The following SF3A1 variants were observed in gnomAD, a reference collection of about 807,000 sequenced individuals.
SF3A1 encodes the protein splicing factor 3a subunit 1, also known as SAP 114.
In SF3A1, 13 loss-of-function variants were observed where a neutral mutation model predicts 89.9. The observed-to-expected ratio is 0.14, with a 90% confidence interval of 0.09 to 0.23. The LOEUF is 0.23. Ranked by LOEUF, SF3A1 falls within the 10% of genes least tolerant of loss-of-function variation. The pLI, the probability that SF3A1 is intolerant of heterozygous loss-of-function variation, is 1.00. For synonymous variants in SF3A1, 405 were observed against 374.4 expected (o/e 1.08, Z -0.94); for missense variants, 604 against 1,022.1 (o/e 0.59, Z 5.58).
At chr22:30,344,496 TCA>T (rs954256872) in intron 4 of SF3A1, among the ~76,000 whole-genome samples, 1 of 152,208 alleles carries the variant, frequency 6.6e-6, no homozygotes, top group Non-Finnish European at 1.5e-5. Flanking sequence ...GTACGTGACT[TCA>T]CCTTTCTGAG....
chr22:30,340,651 G>GAC (rs770898641), intron 8 of SF3A1, 44 bp downstream of exon 8: 18 of 1,237,246 alleles, frequency 1.5e-5, no homozygotes, highest in Middle Eastern at 1.9e-4. Flanking sequence ...GGGCACACAG[G>GAC]ACTTCCTGGG....
rs777352250 is a variant in SF3A1 at position 30,345,059 on chromosome 22, G to A, written c.525C>T (p.Ala175=). The A allele has an allele frequency of 1.9e-6, 3 of 1,614,202 alleles. No individual in the cohort carries two copies. Among genetic ancestry groups the A allele is most frequent in the South Asian group, 2.2e-5 (2 of 91,086 alleles). ...DVVKLTAQFV[A]RNGRQFLTQL... ...GGGTCAGAAACTGGCGCCCATTCCT[G>A]GCCACAAACTGAGCCGTCAGCTTCA... The change falls in exon 4 of 16, where the codon GCC becomes GCT. Residue 175 remains alanine, a synonymous_variant. Transcript: ENST00000215793.
Position 30,333,849 on chromosome 22 carries a change from G to A in SF3A1, c.*745C>T, listed in dbSNP as rs1215701313. The A allele has an allele frequency of 6.6e-6, 1 of 152,160 alleles. No homozygotes were observed. The highest frequency in any genetic ancestry group is 1.9e-4 in the East Asian group (1 of 5,202). 9.4% of individuals were successfully genotyped at this position (152,160 alleles called of 1,614,324 possible). A position where few individuals can be genotyped will look rare whatever the true frequency, so the allele number is the denominator to read the frequency against. On this transcript the variant is annotated 3_prime_UTR_variant, in exon 16 of 16. Transcript: ENST00000215793. Reference sequence around the variant, plus strand: ...TGAGGCACCTGCCCAGGACCACAGAGCCAATCAATCAGGTGATGAGTGATT... The same window carrying A: ...TGAGGCACCTGCCCAGGACCACAGAACCAATCAATCAGGTGATGAGTGATT...
In SF3A1 at chr22:30,338,780, C is replaced by G. The variant is rs1931158412; in HGVS notation, c.1743+9G>C. 1 of 1,613,770 alleles carries G rather than the reference C, an allele frequency of 6.2e-7. No individual in the cohort carries two copies. Among genetic ancestry groups the G allele is most frequent in the Admixed American group, 1.7e-5 (1 of 60,012 alleles). On this transcript the variant is annotated intron_variant, in intron 11 of 15. Transcript: ENST00000215793. ...AAAAAAGTCAGTTCCAGGGTAGATG[C>G]TGGCTTACTGTGGGTGGTCGGGGCA...
At chr22:30,348,913 G>T (rs1931501101) in intron 2 of SF3A1, among the ~76,000 whole-genome samples, 1 of 152,160 alleles carries the variant, frequency 6.6e-6, no homozygotes, top group Non-Finnish European at 1.5e-5. Flanking sequence ...ATAAAACAAT[G>T]AGAAGGCTTG....
chr22:30,345,097 C>T lies in SF3A1; in HGVS notation c.487G>A (p.Asp163Asn). 1 of 1,614,180 alleles carries T rather than the reference C, an allele frequency of 6.2e-7. No individual in the cohort carries two copies. The highest frequency in any genetic ancestry group is 8.5e-7 in the Non-Finnish European group (1 of 1,180,042). ...IADPPSISAF[D>N]LDVVKLTAQF... Reference sequence around the variant, plus strand: ...GCCGTCAGCTTCACCACATCCAAGTCGAAGGCTGAGATAGAGGGAGGATCA... The same window carrying T: ...GCCGTCAGCTTCACCACATCCAAGTTGAAGGCTGAGATAGAGGGAGGATCA... The change falls in exon 4 of 16, where the codon GAC becomes AAC. Residue 163 changes from aspartate (D) to asparagine (N), a missense_variant. Transcript: ENST00000215793.
chr22:30,350,508 C>T (rs189841890), intron 2 of SF3A1, among the ~76,000 whole-genome samples: 2 of 151,974 alleles, frequency 1.3e-5, no homozygotes, highest in African/African-American at 2.4e-5. Context: ...GAAACCTCCT[C>T]CTCTAAGGAA....
chr22:30,337,154 G>A lies in SF3A1; in HGVS notation c.1978C>T (p.Pro660Ser). The change falls in exon 13 of 16, where the codon CCT (proline) becomes TCT (serine). Residue 660 changes from proline (P) to serine (S), a missense_variant. Around this residue, in one of 9 missense-constraint regions of SF3A1, gnomAD observed 45 missense variants for 41.1 expected, o/e 1.09. Transcript: ENST00000215793. ...GGCATTGGGGCTGGAGCTGGGACAG[G>A]TGCCACAGGTGGAGCAGGCACAAAG... ...TAFVPAPPVA[P>S]VPAPAPMPPV... 6.2e-7 allele frequency: 1 copy of A among 1,613,028 alleles called. No individual in the cohort carries two copies. Among genetic ancestry groups the A allele is most frequent in the Non-Finnish European group, 8.5e-7 (1 of 1,179,460 alleles).
At chr22:30,352,538 C>T (rs1931634324) in intron 2 of SF3A1, 1 of 164,112 alleles carries the variant, frequency 6.1e-6, no homozygotes, top group Admixed American at 6.0e-5. Flanking sequence ...CTCACAACAA[C>T]TCTGAGATGG....
intron 2 of SF3A1, among the ~76,000 whole-genome samples, chr22:30,348,244 T>C (rs1237940457): frequency 6.6e-6 from 1 of 152,218 alleles, no homozygotes. Context: ...GGCGAGAACC[T>C]TGTACTTAGA....
chr22:30,335,713 T>C lies in SF3A1; in HGVS notation c.2147A>G (p.Asp716Gly), dbSNP rs779108648. Residue 716 changes from aspartate to glycine, a missense_variant, in exon 14 of 16, where the codon GAT becomes GGT. Asp to Gly is a moderately conservative substitution (Grantham distance 94, BLOSUM62 -1). Transcript: ENST00000215793. ...CCCATTCAGTTTCCATTCCGTCTTA[T>C]CCTGCATGTTGGGCACCTGGACTTT... ...SIKVQVPNMQDKTEWKLNGQV... is the reference protein window; with the variant it reads ...SIKVQVPNMQGKTEWKLNGQV... The C allele has an allele frequency of 1.2e-6, 2 of 1,614,192 alleles. No individual in the cohort carries two copies. The highest frequency in any genetic ancestry group is 1.7e-6 in the Non-Finnish European group (2 of 1,180,040).
rs139280975 is a variant in SF3A1 at position 30,352,938 on chromosome 22, G to A, written c.185+13C>T. On this transcript the variant is annotated intron_variant, in intron 2 of 15. Coordinates refer to ENST00000215793, the MANE Select transcript of SF3A1 (RefSeq NM_005877.6). The stretch of plus-strand genomic sequence containing the variant: ...TGAAACCCACCTCTGACCCACCCAA[G>A]TAGCTCTGTTACCTGGCCACAAAGC... 1.2e-6 allele frequency: 2 copies of A among 1,613,884 alleles called. No homozygotes were observed. Among genetic ancestry groups the A allele is most frequent in the East Asian group, 2.2e-5 (1 of 44,876 alleles).
intron 1 of SF3A1, among the ~76,000 whole-genome samples, chr22:30,354,713 C>A (rs1036864722): frequency 1.3e-5 from 2 of 152,168 alleles, no homozygotes; most frequent in Non-Finnish European, 2.9e-5. Context: ...GTCACCCATG[C>A]CAGAAAGTTG....
chr22:30,342,907 G>A (rs765649817), intron 4 of SF3A1, 28 bp from the exon 5 acceptor site: 4 of 1,453,358 alleles, frequency 2.8e-6, no homozygotes, highest in South Asian at 1.1e-5. Context: ...TAAAGCAACT[G>A]TCAGTGCTTT....
In SF3A1 at chr22:30,346,325, T is replaced by G; in HGVS notation, c.380A>C (p.Gln127Pro). Residue 127 changes from glutamine to proline, a missense_variant, in exon 3 of 16, where the codon CAG becomes CCG. By Grantham distance (76) the Gln-to-Pro change is moderately conservative. Coordinates refer to ENST00000215793, the MANE Select transcript of SF3A1 (RefSeq NM_005877.6). The part of the protein sequence containing the change: ...MQQQQQTTQQ[Q>P]LPQKVQAQVI... ...TGGGCTCCAAACCTTCTGGGGCAGC[T>G]GCTGCTGGGTGGTCTGCTGCTGCTG... 1 of 1,612,062 alleles carries G rather than the reference T, an allele frequency of 6.2e-7. No individual in the cohort carries two copies. Among genetic ancestry groups the G allele is most frequent in the Non-Finnish European group, 8.5e-7 (1 of 1,178,190 alleles).
In SF3A1 at chr22:30,342,788, A is replaced by T; in HGVS notation, c.726+17T>A. ...CAACCACCAGTAACTGGTTGCAAGA[A>T]ATGCTATTCAGTTTACCTGATCCAA... On this transcript the variant is annotated intron_variant, in intron 5 of 15. Coordinates refer to ENST00000215793, the MANE Select transcript of SF3A1 (RefSeq NM_005877.6). 6.5e-7 allele frequency: 1 copy of T among 1,539,634 alleles called. No homozygotes were observed. Among genetic ancestry groups the T allele is most frequent in the Non-Finnish European group, 9.0e-7 (1 of 1,113,742 alleles).
At position 30,337,706 on chromosome 22, in the gene SF3A1, G is replaced by A; in HGVS notation, c.1935C>T (p.Pro645=). 1 of 585,940 alleles carries A rather than the reference G, an allele frequency of 1.7e-6. No individual in the cohort carries two copies. The highest frequency in any genetic ancestry group is 1.5e-5 in the South Asian group (1 of 66,198). 36.3% of individuals were successfully genotyped at this position (585,940 alleles called of 1,614,324 possible). The change falls in exon 12 of 16, where the codon CCC becomes CCT. Residue 645 remains proline, a synonymous_variant. Coordinates refer to ENST00000215793, the MANE Select transcript of SF3A1 (RefSeq NM_005877.6). ...GATACTGACCTGTTGGCACAATCAT[G>A]GGGGGTGGGCGGGGGGCCATAATAG... The part of the protein sequence containing the change: ...APPIMAPRPP[P]MIVPTAFVPA...
intron 9 of SF3A1, among the ~76,000 whole-genome samples, chr22:30,339,512 G>A (rs1931181558): frequency 6.6e-6 from 1 of 152,182 alleles, no homozygotes. Flanking sequence ...CCAGCACTTT[G>A]GGGGGCCAAG....
At chr22:30,338,681 C>T in intron 11 of SF3A1, 108 bp downstream of exon 11, 1 of 1,402,456 alleles carries the variant, frequency 7.1e-7, no homozygotes, top group African/African-American at 1.4e-5. Flanking sequence ...AACTGACCCA[C>T]CCAACACTCA....
Sources: gnomAD v4.1 joint callset for allele counts (sites outside exome capture counted in the v4.1 genomes callset) on GRCh38, gnomAD v4.1.1 for gene constraint, gnomAD v4.1.1 regional missense constraint, MANE v1.5 for transcripts, NCBI Gene and HGNC (gene_info 2026-07-23, HGNC 2026-07-21) for gene names.